THSD7A: variants seen among roughly 807,000 people sequenced by gnomAD.
The protein encoded by THSD7A is thrombospondin type 1 domain containing 7A.
Under a neutral mutation model 231.3 loss-of-function variants are expected in THSD7A, and 96 were observed. The ratio of observed to expected loss-of-function variants is 0.41; its 90% CI spans 0.35 to 0.49. The LOEUF (loss-of-function observed/expected upper bound fraction) is 0.49. Among genes scored for constraint, THSD7A ranks in the 20% least tolerant of loss-of-function variants. The pLI is 0.05. For missense variants in THSD7A, 2,290 were observed against 2,070.2 expected, an observed-to-expected ratio of 1.11 and a Z score of -2.06; for synonymous variants, 940 against 743.3, an observed-to-expected ratio of 1.26 and a Z score of -4.30.
chr7:11,708,279 A>C (rs997945847), intron 1 of THSD7A, among the ~76,000 whole-genome samples: 1 of 150,852 alleles, frequency 6.6e-6, no homozygotes, highest in African/African-American at 2.4e-5. Context: ...TTATAATTAT[A>C]GGTATTTAAA....
intron 1 of THSD7A, among the ~76,000 whole-genome samples, chr7:11,709,488 C>A (rs1238966522): frequency 6.6e-6 from 1 of 150,740 alleles, no homozygotes; most frequent in Non-Finnish European, 1.5e-5. Context: ...ATCAGGTTTG[C>A]TTCTGTGGCC....
intron 6 of THSD7A, among the ~76,000 whole-genome samples, chr7:11,539,211 T>G (rs191010889): frequency 3.6e-4 from 55 of 152,270 alleles, no homozygotes; most frequent in Non-Finnish European, 2.1e-4. Flanking sequence ...TAGTTACAAG[T>G]CTCCAGCTTT....
intron 2 of THSD7A, among the ~76,000 whole-genome samples, chr7:11,607,795 C>A (rs866113877): frequency 1.3e-5 from 2 of 152,174 alleles, no homozygotes; most frequent in Middle Eastern, 6.8e-3. Context: ...AAACAGAGGT[C>A]TTTTCCCTTG....
intron 1 of THSD7A, among the ~76,000 whole-genome samples, chr7:11,770,322 C>G (rs1217157834): frequency 1.3e-5 from 2 of 151,970 alleles, no homozygotes; most frequent in Admixed American, 6.6e-5. Flanking sequence ...AATAAAATTT[C>G]AAGAATTATA....
At chr7:11,568,270 G>A (rs900406552) in intron 4 of THSD7A, among the ~76,000 whole-genome samples, 1 of 152,092 alleles carries the variant, frequency 6.6e-6, no homozygotes, top group East Asian at 1.9e-4. Flanking sequence ...TATGTGGGAT[G>A]GGGAGTTCTT....
intron 23 of THSD7A, among the ~76,000 whole-genome samples, chr7:11,401,050 A>ATG (rs1783385611): frequency 1.3e-5 from 2 of 152,190 alleles, no homozygotes; most frequent in Non-Finnish European, 1.5e-5. Flanking sequence ...GTTTATATAT[A>ATG]TTCTAAGTAA....
At chr7:11,476,961 A>C (rs538482003) in intron 7 of THSD7A, among the ~76,000 whole-genome samples, 2 of 152,294 alleles carry the variant, frequency 1.3e-5, no homozygotes, top group South Asian at 4.1e-4. Flanking sequence ...TTGGAAAAAG[A>C]TGAAACGATG....
intron 6 of THSD7A, among the ~76,000 whole-genome samples, chr7:11,492,427 A>G (rs1054859406): frequency 1.3e-5 from 2 of 152,076 alleles, no homozygotes; most frequent in African/African-American, 4.8e-5. Flanking sequence ...TCTACTGGGT[A>G]ATGGGGAAAT....
intron 6 of THSD7A, among the ~76,000 whole-genome samples, chr7:11,516,899 G>A (rs1788052537): frequency 1.3e-5 from 2 of 151,974 alleles, no homozygotes; most frequent in Admixed American, 6.6e-5. Flanking sequence ...TATTGCCATC[G>A]CCTACCAGAA....
At chr7:11,424,621 C>T (rs191480554) in intron 16 of THSD7A, 75 bp downstream of exon 16, 27 of 1,577,776 alleles carry the variant, frequency 1.7e-5, no homozygotes, top group Non-Finnish European at 2.2e-5. Flanking sequence ...GAGGAGTGAA[C>T]AGTCATGTTG....
intron 16 of THSD7A, among the ~76,000 whole-genome samples, chr7:11,421,121 GGTATGGTT>G (rs1259776975): frequency 6.6e-6 from 1 of 152,138 alleles, no homozygotes; most frequent in African/African-American, 2.4e-5. Context: ...CTGTTGGGAA[GGTATGGTT>G]GTATTTTGAA....
chr7:11,458,978 A>G (rs909506687), intron 11 of THSD7A, among the ~76,000 whole-genome samples: 9 of 152,160 alleles, frequency 5.9e-5, no homozygotes, highest in Non-Finnish European at 1.3e-4. Context: ...GAAATGAATC[A>G]TCCAAGGTTG....
intron 2 of THSD7A, among the ~76,000 whole-genome samples, chr7:11,611,868 A>G (rs1468312022): frequency 6.7e-6 from 1 of 149,550 alleles, no homozygotes; most frequent in Non-Finnish European, 1.5e-5. Context: ...CTATCTATCT[A>G]TCTATCTATC....
chr7:11,553,457 A>G (rs1789716002), intron 4 of THSD7A, among the ~76,000 whole-genome samples: 1 of 152,064 alleles, frequency 6.6e-6, no homozygotes, highest in South Asian at 2.1e-4. Context: ...TAAAGGACAG[A>G]CCTAGGAAAA....
rs1562541189 is a variant in THSD7A, at chr7:11,769,135, A to ATTTTTTTTT, written c.190+62621_190+62622insAAAAAAAAA. Among the ~76,000 whole-genome samples the ATTTTTTTTT allele has an allele frequency of 1.9e-4, 7 of 36,612 alleles. 1 individual carries two copies. Among genetic ancestry groups the ATTTTTTTTT allele is most frequent in the Non-Finnish European group, 3.7e-4 (6 of 16,340 alleles). The allele number at this position is 36,612 out of a possible 152,430, so 24.0% of individuals were successfully genotyped here. A position where few individuals can be genotyped will look rare whatever the true frequency, so the allele number is the denominator to read the frequency against. On this transcript the variant is annotated intron_variant, in intron 1 of 27. Coordinates refer to ENST00000423059, the MANE Select transcript of THSD7A (RefSeq NM_015204.3). ...ATAATTCCTGGCAATATATATATATATATATATATATATATATATTTTTTT... is the reference window on the plus strand; with the variant it reads ...ATAATTCCTGGCAATATATATATATATTTTTTTTTTATATATATATATATATATTTTTTT...
intron 6 of THSD7A, among the ~76,000 whole-genome samples, chr7:11,507,033 TTTAA>T (rs1787574302): frequency 6.6e-6 from 1 of 152,218 alleles, no homozygotes; most frequent in Non-Finnish European, 1.5e-5. Context: ...CCTAGTGATT[TTTAA>T]AAGTTCCTGA....
At chr7:11,793,604 G>A (rs970985236) in intron 1 of THSD7A, among the ~76,000 whole-genome samples, 32 of 151,630 alleles carry the variant, frequency 2.1e-4, no homozygotes, top group African/African-American at 7.2e-4. Context: ...GAAACATATG[G>A]CAAAAAGTAC....
chr7:11,797,419 T>TC (rs1784157604), intron 1 of THSD7A, among the ~76,000 whole-genome samples: 2 of 134,382 alleles, frequency 1.5e-5, no homozygotes, highest in African/African-American at 5.1e-5. Flanking sequence ...TCTCTTTTTT[T>TC]TTTTTTTTTT....
rs374756386 is a variant in THSD7A at position 11,434,845 on chromosome 7, C to G, written c.3065-5720G>C. Among the ~76,000 whole-genome samples, 28 of 151,874 alleles carry G rather than the reference C, an allele frequency of 1.8e-4. 3 individuals are homozygous for G. Among genetic ancestry groups the G allele is most frequent in the East Asian group, 1.6e-3 (8 of 5,158 alleles). Reference sequence around the variant, plus strand: ...TATATTAAAAACTGGTGATCTGATACCTGGGGCAACCAAATTACTATGTAT... The same window carrying G: ...TATATTAAAAACTGGTGATCTGATAGCTGGGGCAACCAAATTACTATGTAT... On this transcript the variant is annotated intron_variant, in intron 13 of 27. Transcript: ENST00000423059.
Sources: gnomAD v4.1 joint callset for allele counts (sites outside exome capture counted in the v4.1 genomes callset) on GRCh38, gnomAD v4.1.1 for gene constraint, MANE v1.5 for transcripts, NCBI Gene and HGNC (gene_info 2026-07-23, HGNC 2026-07-21) for gene names.